The following LURAP1L variants were observed in gnomAD, a reference collection of about 807,000 sequenced individuals.
LURAP1L encodes leucine rich adaptor protein 1-like.
Under a neutral mutation model 13.8 loss-of-function variants are expected in LURAP1L, and 12 were observed. The observed-to-expected ratio is 0.87, with a 90% confidence interval of 0.56 to 1.41. LURAP1L has a LOEUF of 1.41. Ranked by LOEUF, LURAP1L falls within the 40% of genes most tolerant of loss-of-function variation. The pLI, the probability that LURAP1L is intolerant of heterozygous loss-of-function variation, is 0.00. For synonymous variants in LURAP1L, 139 were observed against 119.2 expected, an observed-to-expected ratio of 1.17 and a Z score of -1.08; for missense variants, 375 against 292.9, an observed-to-expected ratio of 1.28 and a Z score of -2.04.
intron 1 of LURAP1L, among the ~76,000 whole-genome samples, chr9:12,782,336 C>A (rs947347351): frequency 6.6e-6 from 1 of 152,176 alleles, no homozygotes; most frequent in Non-Finnish European, 1.5e-5. Context: ...TTGTCCAGAG[C>A]AATGTTATAG....
At position 12,775,021 on chromosome 9, in the gene LURAP1L, A is replaced by G. The variant is rs1244358704; in HGVS notation, c.-695A>G. The stretch of plus-strand genomic sequence containing the variant: ...AGTTTCCGAGGCTCAGAGGAACACA[A>G]TGACTTGGATCAAACAGCCTAAATG... On this transcript the variant is annotated 5_prime_UTR_variant, in exon 1 of 2. It removes an upstream start codon present in the reference 5' UTR. Transcript: ENST00000319264. The G allele has an allele frequency of 6.6e-6, 1 of 152,222 alleles. No individual in the cohort carries two copies. The highest frequency in any genetic ancestry group is 1.9e-4 in the East Asian group (1 of 5,198). 9.4% of individuals were successfully genotyped at this position (152,222 alleles called of 1,614,324 possible). A position where few individuals can be genotyped will look rare whatever the true frequency, so the allele number is the denominator to read the frequency against.
intron 1 of LURAP1L, among the ~76,000 whole-genome samples, chr9:12,807,761 TTTTC>T (rs1345523927): frequency 1.3e-5 from 2 of 148,226 alleles, no homozygotes; most frequent in Admixed American, 7.1e-5. Flanking sequence ...ATTCTTACTT[TTTTC>T]TTTCTCTCTT....
At position 12,822,094 on chromosome 9, in the gene LURAP1L, CT is replaced by C. The variant is rs1173579335; in HGVS notation, c.*335del. ...GTCAGGGATTACAAGAAAAACTTTG[CT>C]AAATTTTACAATAAACCAAAGTCTG... On this transcript the variant is annotated 3_prime_UTR_variant, in exon 2 of 2. Coordinates refer to ENST00000319264, the MANE Select transcript of LURAP1L (RefSeq NM_203403.2). 9.9e-6 allele frequency: 2 copies of C among 202,270 alleles called. No individual in the cohort carries two copies. The highest frequency in any genetic ancestry group is 2.0e-5 in the Non-Finnish European group (2 of 99,308). The allele number at this position is 202,270 out of a possible 1,614,324, so 12.5% of individuals were successfully genotyped here. A position where few individuals can be genotyped will look rare whatever the true frequency, so the allele number is the denominator to read the frequency against.
At chr9:12,815,686 C>T (rs989958665) in intron 1 of LURAP1L, among the ~76,000 whole-genome samples, 3 of 151,960 alleles carry the variant, frequency 2.0e-5, no homozygotes, top group Non-Finnish European at 4.4e-5. Flanking sequence ...AAAAGGGTAA[C>T]AATAATGGAG....
intron 1 of LURAP1L, among the ~76,000 whole-genome samples, chr9:12,780,117 G>C (rs1819249015): frequency 6.6e-6 from 1 of 152,188 alleles, no homozygotes; most frequent in South Asian, 2.1e-4. Flanking sequence ...TTCCCCAAGA[G>C]ATTCTGTTCA....
chr9:12,784,415 C>T (rs933111747), intron 1 of LURAP1L, among the ~76,000 whole-genome samples: 2 of 152,074 alleles, frequency 1.3e-5, no homozygotes, highest in African/African-American at 4.8e-5. Flanking sequence ...CCATATCTGC[C>T]CAAGCCCAAT....
intron 1 of LURAP1L, among the ~76,000 whole-genome samples, chr9:12,781,907 C>T (rs1015701861): frequency 1.3e-5 from 2 of 152,128 alleles, no homozygotes; most frequent in Non-Finnish European, 1.5e-5. Flanking sequence ...TGTCCATATC[C>T]TCACCGGCAT....
At position 12,816,770 on chromosome 9, in the gene LURAP1L, C is replaced by A. The variant is rs535214927; in HGVS notation, c.313-4616C>A. Among the ~76,000 whole-genome samples the A allele has an allele frequency of 2.0e-4, 31 of 152,214 alleles. No individual in the cohort carries two copies. The Middle Eastern group carries it at 0.017, about 84-fold the overall frequency. ...GACCTGTGACATCATAATCCTGAAG[C>A]CTGAGAGACTAAGTAGGAAGCTGAA... is the stretch of plus-strand genomic sequence containing the variant. On this transcript the variant is annotated intron_variant, in intron 1 of 1. Coordinates refer to ENST00000319264, the MANE Select transcript of LURAP1L (RefSeq NM_203403.2).
At chr9:12,784,708 T>A (rs1410015258) in intron 1 of LURAP1L, among the ~76,000 whole-genome samples, 1 of 152,178 alleles carries the variant, frequency 6.6e-6, no homozygotes, top group Non-Finnish European at 1.5e-5. Context: ...CACTGATGTT[T>A]ATTTAAGGCC....
chr9:12,786,562 ATATATATATATATATAT>A (rs1411099374), intron 1 of LURAP1L, among the ~76,000 whole-genome samples: 1 of 119,536 alleles, frequency 8.4e-6, no homozygotes, highest in Non-Finnish European at 1.8e-5. Context: ...ATATATATAT[ATATATATATATATATAT>A]ATAAACCCTT....
Position 12,813,285 on chromosome 9 carries a change from A to G in LURAP1L, c.313-8101A>G, listed in dbSNP as rs553196706. Among the ~76,000 whole-genome samples, 130 of 152,306 alleles carry G rather than the reference A, an allele frequency of 8.5e-4. 1 individual carries two copies. Among genetic ancestry groups the G allele is most frequent in the African/African-American group, 2.2e-3 (91 of 41,566 alleles). On this transcript the variant is annotated intron_variant, in intron 1 of 1. Transcript: ENST00000319264. The stretch of plus-strand genomic sequence containing the variant: ...ACTAGTTAAGTATTTATATAAACCT[A>G]TAATTTAAAACAAAGGTAATAAATA...
chr9:12,777,615 G>A (rs888496871), intron 1 of LURAP1L: 15 of 955,340 alleles, frequency 1.6e-5, no homozygotes, highest in Non-Finnish European at 1.9e-5. Context: ...GCACATCAAA[G>A]ATAATACTGT....
intron 1 of LURAP1L, among the ~76,000 whole-genome samples, chr9:12,815,205 A>T (rs1446549002): frequency 6.6e-6 from 1 of 152,216 alleles, no homozygotes; most frequent in Non-Finnish European, 1.5e-5. Flanking sequence ...TGATCATCAA[A>T]TTGAGGATGT....
intron 1 of LURAP1L, among the ~76,000 whole-genome samples, chr9:12,788,516 G>A (rs1056512514): frequency 3.9e-5 from 6 of 152,112 alleles, no homozygotes; most frequent in Non-Finnish European, 5.9e-5. Context: ...TGTAGTTAGT[G>A]TATACATTCG....
At chr9:12,788,274 T>C (rs1242146294) in intron 1 of LURAP1L, among the ~76,000 whole-genome samples, 2 of 152,120 alleles carry the variant, frequency 1.3e-5, no homozygotes, top group African/African-American at 2.4e-5. Context: ...CAAGTGTTTG[T>C]TGCAAAATGA....
chr9:12,794,064 G>A (rs915870885), intron 1 of LURAP1L, among the ~76,000 whole-genome samples: 1 of 152,028 alleles, frequency 6.6e-6, no homozygotes, highest in African/African-American at 2.4e-5. Flanking sequence ...CCTCCTAGGA[G>A]TAATATCAGA....
At chr9:12,785,149 C>T (rs949193281) in intron 1 of LURAP1L, among the ~76,000 whole-genome samples, 4 of 152,196 alleles carry the variant, frequency 2.6e-5, no homozygotes, top group Non-Finnish European at 4.4e-5. Flanking sequence ...TGTCTAGAAA[C>T]GTCTGTTGTC....
intron 1 of LURAP1L, chr9:12,777,578 A>ATT (rs553832700): frequency 1.0e-6 from 1 of 976,636 alleles, no homozygotes; most frequent in East Asian, 1.1e-4. Context: ...GTTGAAACAT[A>ATT]TTTTCTTTCT....
At chr9:12,817,755 A>T (rs1819823139) in intron 1 of LURAP1L, among the ~76,000 whole-genome samples, 2 of 152,230 alleles carry the variant, frequency 1.3e-5, no homozygotes, top group Admixed American at 1.3e-4. Context: ...AATGAATAAC[A>T]GTGAGGAAAG....
Sources: gnomAD v4.1 joint callset for allele counts (sites outside exome capture counted in the v4.1 genomes callset) on GRCh38, gnomAD v4.1.1 for gene constraint, MANE v1.5 for transcripts, NCBI Gene and HGNC (gene_info 2026-07-23, HGNC 2026-07-21) for gene names.